Variants in CA6 observed in about 807,000 individuals in gnomAD.
CA6 encodes the protein carbonic anhydrase 6.
In CA6, 28 loss-of-function variants were observed where a neutral mutation model predicts 35.9. The observed-to-expected ratio is 0.78, with a 90% CI of 0.58 to 1.07. The LOEUF (loss-of-function observed/expected upper bound fraction) is 1.07, where lower values mean the gene tolerates loss of function less well. Among genes scored for constraint, CA6 ranks in the 50% least tolerant of loss-of-function variants. The pLI is 0.00. For missense variants in CA6, 377 were observed against 382.0 expected (o/e 0.99, Z 0.11); for synonymous variants, 148 against 152.6 (o/e 0.97, Z 0.22).
intron 2 of CA6, chr1:8,952,133 T>G (rs1639555084): frequency 6.7e-6 from 1 of 150,090 alleles, no homozygotes; most frequent in Non-Finnish European, 1.5e-5. Context: ...ATTCCATTTT[T>G]CGATGTAAAG....
intron 2 of CA6, chr1:8,951,768 C>T: frequency 1.4e-6 from 1 of 690,158 alleles, no homozygotes; most frequent in Non-Finnish European, 2.6e-6. Context: ...CACACGACAG[C>T]ATGTCGGACA....
Position 8,970,851 on chromosome 1 carries a change from C to T in CA6, c.730-16C>T. On this transcript the variant is annotated splice_polypyrimidine_tract_variant and intron_variant, in intron 6 of 7. Transcript: ENST00000377443. ...AGTGACTCTTCCCCTCCATAATGCA[C>T]TCACGTTGCCCCCAGGTTTGGAAGC... The T allele has an allele frequency of 1.3e-6, 2 of 1,521,866 alleles. No individual in the cohort carries two copies. Among genetic ancestry groups the T allele is most frequent in the Non-Finnish European group, 1.8e-6 (2 of 1,096,438 alleles). The allele number at this position is 1,521,866 out of a possible 1,614,324, so 94.3% of individuals were successfully genotyped here.
chr1:8,954,422 C>T (rs1158225768), intron 2 of CA6, among the ~76,000 whole-genome samples: 4 of 152,156 alleles, frequency 2.6e-5, no homozygotes, highest in Non-Finnish European at 4.4e-5. Context: ...GCTTCGGCCT[C>T]CCAAAGTGCT....
At chr1:8,974,342 CT>C in intron 7 of CA6, 1 of 1,482,754 alleles carries the variant, frequency 6.7e-7, no homozygotes, top group Non-Finnish European at 8.9e-7. Flanking sequence ...CCTATATCCC[CT>C]CAGGCAAGGG....
intron 3 of CA6, 114 bp downstream of exon 3, chr1:8,957,399 G>T: frequency 9.8e-7 from 1 of 1,018,784 alleles, no homozygotes; most frequent in Non-Finnish European, 1.4e-6. Flanking sequence ...GGAGTGCAGT[G>T]GCACAATCTC....
At chr1:8,973,875 G>A (rs1335178499) in intron 7 of CA6, among the ~76,000 whole-genome samples, 1 of 149,954 alleles carries the variant, frequency 6.7e-6, no homozygotes, top group Non-Finnish European at 1.5e-5. Flanking sequence ...TGCCCAGACT[G>A]GAGTGCAATG....
intron 6 of CA6, among the ~76,000 whole-genome samples, chr1:8,969,647 G>A (rs1387459091): frequency 6.6e-6 from 1 of 152,144 alleles, no homozygotes; most frequent in East Asian, 1.9e-4. Flanking sequence ...CTCTGGGTGT[G>A]TAGATATGTG....
intron 1 of CA6, 41 bp downstream of exon 1, chr1:8,946,006 C>A: frequency 1.6e-6 from 2 of 1,277,538 alleles, no homozygotes; most frequent in African/African-American, 1.5e-5. Flanking sequence ...GTTACCCTCA[C>A]ACCCTTACAA....
At chr1:8,959,913 T>A (rs904616533) in intron 4 of CA6, among the ~76,000 whole-genome samples, 2 of 97,250 alleles carry the variant, frequency 2.1e-5, no homozygotes, top group Admixed American at 1.4e-4. Flanking sequence ...GCGTGGGCAA[T>A]AAAGCTAGAT....
rs1044251294 is a variant in CA6 at position 8,958,944 on chromosome 1, G to A, written c.443G>A (p.Ser148Asn). ...GTTCACTACAATTCTAAATACAAGA[G>A]CTATGATATAGCCCAAGATGCGCCG... Reference protein sequence around the residue: ...HIVHYNSKYKSYDIAQDAPDG... With the variant: ...HIVHYNSKYKNYDIAQDAPDG... Residue 148 changes from serine (S) to asparagine (N), a missense_variant, in exon 4 of 8, where the codon AGC becomes AAC. Ser to Asn is a conservative substitution (Grantham distance 46). Transcript: ENST00000377443. The A allele has an allele frequency of 1.9e-6, 3 of 1,612,864 alleles. No individual in the cohort carries two copies. The highest frequency in any genetic ancestry group is 2.2e-5 in the East Asian group (1 of 44,868).
chr1:8,958,533 A>G (rs1279688368), intron 3 of CA6, among the ~76,000 whole-genome samples: 1 of 152,168 alleles, frequency 6.6e-6, no homozygotes, highest in Non-Finnish European at 1.5e-5. Flanking sequence ...CATGTTAACA[A>G]TGGTTGCCTG....
At chr1:8,953,607 G>A (rs1639596493) in intron 2 of CA6, among the ~76,000 whole-genome samples, 1 of 150,932 alleles carries the variant, frequency 6.6e-6, no homozygotes, top group South Asian at 2.1e-4. Context: ...GGGTGACAGA[G>A]CAAGACCTTC....
rs1175618820 is a variant in CA6 at position 8,955,841 on chromosome 1, GA to G, written c.260-1295del. On this transcript the variant is annotated intron_variant, in intron 2 of 7. Coordinates refer to ENST00000377443, the MANE Select transcript of CA6 (RefSeq NM_001215.4). ...CTCCTTTAGACAATTTGGAAAGAAA[GA>G]GGGGGCACGTGACAGGTTTTAAATA... Among the ~76,000 whole-genome samples the G allele has an allele frequency of 3.9e-5, 6 of 152,356 alleles. No individual in the cohort carries two copies. The East Asian group carries it at 5.8e-4, about 15-fold the overall frequency.
intron 6 of CA6, among the ~76,000 whole-genome samples, chr1:8,968,292 C>T (rs1460672054): frequency 1.3e-5 from 2 of 151,944 alleles, no homozygotes; most frequent in African/African-American, 4.8e-5. Flanking sequence ...CTTTTCATTT[C>T]CTTAGAAAAA....
At chr1:8,954,279 C>T (rs898115172) in intron 2 of CA6, among the ~76,000 whole-genome samples, 1 of 151,878 alleles carries the variant, frequency 6.6e-6, no homozygotes, top group Non-Finnish European at 1.5e-5. Flanking sequence ...ATTCTCGTGC[C>T]TCAGCCTCCC....
intron 2 of CA6, chr1:8,952,638 A>T (rs1639569550): frequency 1.3e-5 from 2 of 152,082 alleles, no homozygotes; most frequent in South Asian, 4.1e-4. Context: ...CGTATTAAAG[A>T]TTTGTTAATT....
chr1:8,971,689 G>A (rs770505846), intron 7 of CA6, among the ~76,000 whole-genome samples: 3 of 152,180 alleles, frequency 2.0e-5, no homozygotes, highest in East Asian at 3.9e-4. Context: ...CACCCCCAAC[G>A]CCTCCTATAC....
chr1:8,953,635 A>ATCAATCAG (rs1553162482), intron 2 of CA6, among the ~76,000 whole-genome samples: 1 of 114,906 alleles, frequency 8.7e-6, no homozygotes, highest in Non-Finnish European at 1.9e-5. Context: ...CAATCAATCA[A>ATCAATCAG]TCAGTCAATC....
intron 5 of CA6, among the ~76,000 whole-genome samples, chr1:8,964,156 C>T (rs890124155): frequency 6.6e-6 from 1 of 152,208 alleles, no homozygotes; most frequent in East Asian, 1.9e-4. Flanking sequence ...ACCCCTCCCA[C>T]GTGGGGCCCA....
Sources: gnomAD v4.1 joint callset for allele counts (sites outside exome capture counted in the v4.1 genomes callset) on GRCh38, gnomAD v4.1.1 for gene constraint, MANE v1.5 for transcripts, NCBI Gene and HGNC (gene_info 2026-07-23, HGNC 2026-07-21) for gene names.